The following SCAP variants were observed in gnomAD, a reference collection of about 807,000 sequenced individuals.
SCAP encodes the protein sterol regulatory element-binding protein cleavage-activating protein.
SCAP carries 65 observed loss-of-function variants against 123.6 expected under a neutral mutation model. The ratio of observed to expected loss-of-function variants is 0.53; its 90% CI spans 0.43 to 0.65. The LOEUF (loss-of-function observed/expected upper bound fraction) is 0.65. Among genes scored for constraint, SCAP ranks in the 30% least tolerant of loss-of-function variants. The pLI, the probability that SCAP is intolerant of heterozygous loss-of-function variation, is 0.00. For synonymous variants in SCAP, 740 were observed against 726.3 expected (o/e 1.02, Z -0.30); for missense variants, 1,398 against 1,712.5 (o/e 0.82, Z 3.24).
chr3:47,423,655 A>C (rs1012226661), intron 9 of SCAP, among the ~76,000 whole-genome samples: 5 of 152,172 alleles, frequency 3.3e-5, no homozygotes, highest in African/African-American at 9.7e-5. Context: ...CAGCCTCCCA[A>C]AGTGCTGGGA....
chr3:47,435,184 G>C, intron 2 of SCAP, 47 bp from the exon 3 acceptor site: 1 of 1,567,058 alleles, frequency 6.4e-7, no homozygotes, highest in Non-Finnish European at 8.7e-7. Flanking sequence ...ATGAGAGGCA[G>C]TCCTCTCTCA....
intron 2 of SCAP, among the ~76,000 whole-genome samples, chr3:47,441,276 G>C (rs911686521): frequency 2.0e-5 from 3 of 152,070 alleles, no homozygotes; most frequent in African/African-American, 7.2e-5. Context: ...TAAAACCAAA[G>C]GAGGGCAACA....
intron 1 of SCAP, 191 bp downstream of exon 1, chr3:47,475,608 G>C (rs2108049020): frequency 6.6e-6 from 1 of 152,410 alleles, no homozygotes; most frequent in South Asian, 2.1e-4. Flanking sequence ...GGCCGGGTTG[G>C]GGGTGGGGAC....
intron 1 of SCAP, among the ~76,000 whole-genome samples, chr3:47,462,765 AAAAAAAAAAGAAAG>A (rs1238152492): frequency 1.3e-5 from 2 of 151,474 alleles, no homozygotes; most frequent in East Asian, 3.9e-4. Context: ...AAAAAAAAAA[AAAAAAAAAAGAAAG>A]AAAGAAAGGA....
chr3:47,473,080 C>CAAAAAAAAAAAAA lies in SCAP; in HGVS notation c.-99+2706_-99+2718dup, dbSNP rs34472664. Among the ~76,000 whole-genome samples the CAAAAAAAAAAAAA allele has an allele frequency of 5.8e-4, 22 of 38,040 alleles. 5 individuals carry two copies. Among genetic ancestry groups the CAAAAAAAAAAAAA allele is most frequent in the Admixed American group, 9.2e-4 (2 of 2,184 alleles). The allele number at this position is 38,040 out of a possible 152,430, so 25.0% of individuals were successfully genotyped here. A position where few individuals can be genotyped will look rare whatever the true frequency, so the allele number is the denominator to read the frequency against. On this transcript the variant is annotated intron_variant, in intron 1 of 22. Transcript: ENST00000265565. Reference sequence around the variant, plus strand: ...GGGCAAGAAGAGCGAAACTCCATCTCAAAAAAAAAAAAAAAAAAACAGACT... The same window carrying CAAAAAAAAAAAAA: ...GGGCAAGAAGAGCGAAACTCCATCTCAAAAAAAAAAAAAAAAAAAAAAAAAAAAAAAACAGACT...
intron 1 of SCAP, among the ~76,000 whole-genome samples, chr3:47,463,519 T>C (rs1295816581): frequency 2.6e-5 from 4 of 151,992 alleles, no homozygotes; most frequent in African/African-American, 4.8e-5. Context: ...CTGGCCAACA[T>C]AGTGAAACCT....
In SCAP at chr3:47,418,114, G is replaced by GCAC; in HGVS notation, c.2447+19_2447+20insGTG. On this transcript the variant is annotated intron_variant, in intron 16 of 22. Coordinates refer to ENST00000265565, the MANE Select transcript of SCAP (RefSeq NM_012235.4). The stretch of plus-strand genomic sequence containing the variant: ...GGGGGGTTGTGGGGGCACAAAGGAG[G>GCAC]AAAGGGCAGCCGCACCTACCCTGGG... 6.5e-7 allele frequency: 1 copy of GCAC among 1,537,528 alleles called. No homozygotes were observed. The highest frequency in any genetic ancestry group is 1.2e-5 in the South Asian group (1 of 83,804).
At chr3:47,473,099 A>AAAAAAAAAAC (rs1559576281) in intron 1 of SCAP, among the ~76,000 whole-genome samples, 12 of 148,110 alleles carry the variant, frequency 8.1e-5, no homozygotes, top group African/African-American at 3.0e-4. Context: ...AAAAAAAAAA[A>AAAAAAAAAAC]CAGACTGTGG....
chr3:47,425,499 G>A lies in SCAP; in HGVS notation c.1023C>T (p.Pro341=), dbSNP rs958483436. 5 of 1,613,684 alleles carry A rather than the reference G, an allele frequency of 3.1e-6. No individual in the cohort carries two copies. Among genetic ancestry groups the A allele is most frequent in the African/African-American group, 2.7e-5 (2 of 74,950 alleles). ...TAGGGACCTACCCGCCATTGAGGGT[G>A]GGCGTCAGGCCGAAGAGTGTGCAGA... ...VGLCTLFGLT[P]TLNGGEIFPY... The change falls in exon 8 of 23, where the codon CCC becomes CCT. Residue 341 remains proline (P), a synonymous_variant. Coordinates refer to ENST00000265565, the MANE Select transcript of SCAP (RefSeq NM_012235.4).
At chr3:47,415,243 T>C in intron 18 of SCAP, 63 bp from the exon 19 acceptor site, 1 of 1,474,018 alleles carries the variant, frequency 6.8e-7, no homozygotes, top group Non-Finnish European at 9.2e-7. Flanking sequence ...GGGCTGAGCA[T>C]GTGGACATGA....
Position 47,440,941 on chromosome 3 carries a change from C to T in SCAP, c.122+1931G>A, listed in dbSNP as rs562526395. On this transcript the variant is annotated intron_variant, in intron 2 of 22. Coordinates refer to ENST00000265565, the MANE Select transcript of SCAP (RefSeq NM_012235.4). ...TTTTTGAGATGGAGTCTCACTCTTT[C>T]GCCAGGCTAGAGTGCAGTGGCGCGA... Among the ~76,000 whole-genome samples, 344 of 151,306 alleles carry T rather than the reference C, an allele frequency of 2.3e-3. 2 individuals carry two copies. The highest frequency in any genetic ancestry group is 8.1e-3 in the African/African-American group (336 of 41,244).
At position 47,419,266 on chromosome 3, in the gene SCAP, G is replaced by C; in HGVS notation, c.1940+62C>G. 6.5e-7 allele frequency: 1 copy of C among 1,548,042 alleles called. No homozygotes were observed. Among genetic ancestry groups the C allele is most frequent in the East Asian group, 2.3e-5 (1 of 44,280 alleles). ...TCAAACCTGTGGGCCTCCTGCATTG[G>C]GGAAAGGGGATGGTGAGTTGACACC... On this transcript the variant is annotated intron_variant, in intron 13 of 22. Transcript: ENST00000265565. This position sits in a 1 kb window ranked among gnomAD's most constrained non-coding sequence, Gnocchi z 5.0.
intron 1 of SCAP, among the ~76,000 whole-genome samples, chr3:47,446,153 C>T (rs1478510307): frequency 1.3e-5 from 2 of 151,162 alleles, no homozygotes; most frequent in East Asian, 1.9e-4. Context: ...AGATTACAGG[C>T]ATGGCCACTG....
chr3:47,448,066 C>CA (rs978712705), intron 1 of SCAP, among the ~76,000 whole-genome samples: 9 of 140,562 alleles, frequency 6.4e-5, no homozygotes, highest in Admixed American at 6.3e-4. Context: ...CTGCATTAAA[C>CA]CTGTTTATCA....
chr3:47,462,107 G>T (rs1047894828), intron 1 of SCAP, among the ~76,000 whole-genome samples: 1 of 151,714 alleles, frequency 6.6e-6, no homozygotes, highest in African/African-American at 2.4e-5. Flanking sequence ...TTCGTTTTGT[G>T]GTAAAAAAAA....
chr3:47,448,724 GTTCAT>G (rs57940072), intron 1 of SCAP, among the ~76,000 whole-genome samples: 56,832 of 151,342 alleles, frequency 0.38, 10,948 homozygotes, highest in East Asian at 0.52. Flanking sequence ...CTGATTTTCT[GTTCAT>G]TTCAAGAGCA....
chr3:47,416,868 C>T (rs1326040452), intron 18 of SCAP, among the ~76,000 whole-genome samples: 3 of 151,826 alleles, frequency 2.0e-5, no homozygotes, highest in East Asian at 1.9e-4. Context: ...CCTCGTGATC[C>T]GCCCGCCTCG....
At chr3:47,427,715 G>A in intron 4 of SCAP, 48 bp from the exon 5 acceptor site, 1 of 1,525,430 alleles carries the variant, frequency 6.6e-7, no homozygotes, top group Non-Finnish European at 9.0e-7. Flanking sequence ...CCACCACAGG[G>A]CAGACCTGCT....
chr3:47,462,800 T>C (rs1707695334), intron 1 of SCAP, among the ~76,000 whole-genome samples: 1 of 151,380 alleles, frequency 6.6e-6, no homozygotes, highest in South Asian at 2.1e-4. Context: ...AAACACCTAC[T>C]TATTTCCTAG....
Sources: allele counts gnomAD v4.1 joint callset (sites outside exome capture counted in the v4.1 genomes callset), GRCh38; gene constraint gnomAD v4.1.1; non-coding constraint Gnocchi (gnomAD v3.1); transcripts MANE v1.5; gene names NCBI Gene and HGNC (gene_info 2026-07-23, HGNC 2026-07-21).